TENM2: variants seen among roughly 807,000 people sequenced by gnomAD.
TENM2 encodes the protein teneurin-2.
Under a neutral mutation model 245.2 loss-of-function variants are expected in TENM2, and 52 were observed. The observed-to-expected ratio is 0.21, with a 90% CI of 0.17 to 0.27. The LOEUF is 0.27. Ranked by LOEUF, TENM2 falls within the 10% of genes least tolerant of loss-of-function variation. The pLI is 1.00. For synonymous variants in TENM2, 1,363 were observed against 1,438.9 expected (o/e 0.95, Z 1.19); for missense variants, 3,046 against 3,666.8 (o/e 0.83, Z 4.37).
At chr5:167,574,983 C>T (rs570041712) in intron 2 of TENM2, among the ~76,000 whole-genome samples, 1 of 152,160 alleles carries the variant, frequency 6.6e-6, no homozygotes, top group Admixed American at 6.5e-5. Flanking sequence ...TCTCCCAGCA[C>T]TTGATTTTTG....
the TENM2 span, among the ~76,000 whole-genome samples, chr5:166,983,067 G>T: frequency 6.6e-6 from 1 of 151,952 alleles, no homozygotes; most frequent in Admixed American, 6.6e-5. Context: ...ATTATTTTGG[G>T]TTGTTTTCTC....
At chr5:167,118,474 A>C in the TENM2 span, among the ~76,000 whole-genome samples, 1 of 152,398 alleles carries the variant, frequency 6.6e-6, no homozygotes, top group African/African-American at 2.4e-5. Context: ...GTGTAATTTC[A>C]GATAATTCTA....
At chr5:167,363,795 G>A (rs952037371) in intron 1 of TENM2, among the ~76,000 whole-genome samples, 3 of 150,234 alleles carry the variant, frequency 2.0e-5, no homozygotes, top group African/African-American at 4.9e-5. Context: ...TCATAGTTAA[G>A]TGTGAGCAAG....
At chr5:167,381,763 T>A (rs1385581919) in intron 2 of TENM2, among the ~76,000 whole-genome samples, 1 of 152,114 alleles carries the variant, frequency 6.6e-6, no homozygotes, top group Non-Finnish European at 1.5e-5. Flanking sequence ...AAATCAGATA[T>A]AAAAATTGTA....
chr5:167,807,569 A>G (rs1445367566), intron 2 of TENM2, among the ~76,000 whole-genome samples: 1 of 152,134 alleles, frequency 6.6e-6, no homozygotes, highest in Non-Finnish European at 1.5e-5. Flanking sequence ...ATGTGCTATC[A>G]TTAGCAAGTC....
At chr5:167,363,376 A>C (rs183771427) in intron 1 of TENM2, among the ~76,000 whole-genome samples, 68 of 152,322 alleles carry the variant, frequency 4.5e-4, no homozygotes, top group African/African-American at 1.6e-3. Context: ...CAAGAATCCC[A>C]GTTTAGGCCT....
chr5:167,720,869 A>G (rs10057680), intron 2 of TENM2, among the ~76,000 whole-genome samples: 32,696 of 152,150 alleles, frequency 0.21, 3,641 homozygotes, highest in East Asian at 0.32. Context: ...TACTACTTGA[A>G]TGTAAAATGT....
chr5:167,856,661 T>C (rs1771125725), intron 2 of TENM2, among the ~76,000 whole-genome samples: 1 of 152,192 alleles, frequency 6.6e-6, no homozygotes, highest in African/African-American at 2.4e-5. Context: ...CTGCTTATTT[T>C]TGAGACATAA....
intron 2 of TENM2, among the ~76,000 whole-genome samples, chr5:167,648,925 C>T (rs1013917890): frequency 6.6e-6 from 1 of 152,188 alleles, no homozygotes; most frequent in African/African-American, 2.4e-5. Flanking sequence ...TGGCCCCTCC[C>T]TAGTAGCGGC....
At chr5:167,518,504 G>T (rs540514265) in intron 2 of TENM2, among the ~76,000 whole-genome samples, 1 of 152,284 alleles carries the variant, frequency 6.6e-6, no homozygotes, top group African/African-American at 2.4e-5. Flanking sequence ...GTTTGTAATT[G>T]TATATGGCAC....
intron 9 of TENM2, among the ~76,000 whole-genome samples, chr5:168,103,986 G>A (rs1794035621): frequency 1.3e-5 from 2 of 151,256 alleles, no homozygotes; most frequent in African/African-American, 4.9e-5. Context: ...CATGATCGGT[G>A]TCCTTCTTTC....
intron 12 of TENM2, among the ~76,000 whole-genome samples, chr5:168,127,309 C>T (rs1037032313): frequency 2.0e-5 from 3 of 152,172 alleles, no homozygotes; most frequent in African/African-American, 7.2e-5. Flanking sequence ...TTTTTAAATC[C>T]TCTCTCAGCT....
At chr5:167,374,027 A>G (rs1421455270) in intron 1 of TENM2, among the ~76,000 whole-genome samples, 1 of 152,176 alleles carries the variant, frequency 6.6e-6, no homozygotes, top group East Asian at 1.9e-4. Flanking sequence ...GTGGCTTTAA[A>G]TTGTGTTAGC....
intron 2 of TENM2, among the ~76,000 whole-genome samples, chr5:167,404,779 T>C (rs991667517): frequency 6.6e-6 from 1 of 152,168 alleles, no homozygotes; most frequent in Non-Finnish European, 1.5e-5. Context: ...AACAGCATGA[T>C]TAAGACATAA....
At chr5:167,000,667 T>C in the TENM2 span, among the ~76,000 whole-genome samples, 15 of 152,256 alleles carry the variant, frequency 9.9e-5, no homozygotes, top group Admixed American at 7.9e-4. Context: ...AGAAAATAGA[T>C]TGGAAAATCT....
At chr5:167,897,923 C>T (rs1775357705) in intron 3 of TENM2, among the ~76,000 whole-genome samples, 1 of 129,824 alleles carries the variant, frequency 7.7e-6, no homozygotes, top group African/African-American at 3.0e-5. Context: ...ATCTGCTGGG[C>T]ACCGGGTACT....
At chr5:167,953,380 G>A (rs1364086239) in intron 4 of TENM2, 2 of 154,110 alleles carry the variant, frequency 1.3e-5, no homozygotes. Flanking sequence ...AGAAAAAAGG[G>A]GCAGCACTTA....
intron 12 of TENM2, chr5:168,130,333 T>G (rs1437434951): frequency 6.6e-6 from 1 of 152,250 alleles, no homozygotes; most frequent in African/African-American, 2.4e-5. Flanking sequence ...CAATGACTGT[T>G]ATATAACCTT....
At chr5:167,642,801 T>G (rs1779697814) in intron 2 of TENM2, among the ~76,000 whole-genome samples, 1 of 152,234 alleles carries the variant, frequency 6.6e-6, no homozygotes. Flanking sequence ...CATTTGCATG[T>G]GCATGCTAAG....
Sources: allele counts gnomAD v4.1 joint callset (sites outside exome capture counted in the v4.1 genomes callset), GRCh38; gene constraint gnomAD v4.1.1; transcripts MANE v1.5; gene names NCBI Gene and HGNC (gene_info 2026-07-23, HGNC 2026-07-21).